Variants in CERS6 observed in about 807,000 individuals in gnomAD.
The protein encoded by CERS6 is LAG1 homolog, ceramide synthase 6.
In CERS6, 26 loss-of-function variants were observed where a neutral mutation model predicts 56.8. The ratio of observed to expected loss-of-function variants is 0.46; its 90% CI spans 0.34 to 0.63. The LOEUF is 0.63. Ranked by LOEUF, CERS6 falls within the 30% of genes least tolerant of loss-of-function variation. The probability of loss-of-function intolerance (pLI) is 0.01; values close to 1 mark genes in which losing one functional copy is unlikely to be tolerated. For missense variants in CERS6, 415 were observed against 467.5 expected (o/e 0.89, Z 1.04); for synonymous variants, 164 against 173.3 (o/e 0.95, Z 0.42).
At chr2:168,512,824 T>G (rs897962003) in intron 1 of CERS6, among the ~76,000 whole-genome samples, 4 of 151,644 alleles carry the variant, frequency 2.6e-5, no homozygotes, top group Non-Finnish European at 4.4e-5. Flanking sequence ...CCCACCACCA[T>G]GCCCAGCTAA....
chr2:168,549,848 T>C (rs1342357634), intron 2 of CERS6, among the ~76,000 whole-genome samples: 1 of 152,158 alleles, frequency 6.6e-6, no homozygotes, highest in African/African-American at 2.4e-5. Context: ...ACCAATCAGT[T>C]GACTGGAATA....
chr2:168,631,332 T>G (rs951913847), intron 4 of CERS6, among the ~76,000 whole-genome samples: 3 of 145,506 alleles, frequency 2.1e-5, no homozygotes, highest in Admixed American at 7.3e-5. Context: ...TTTGAAAACA[T>G]GAATTGTTGC....
chr2:168,514,553 A>G (rs1694852661), intron 1 of CERS6, among the ~76,000 whole-genome samples: 1 of 152,220 alleles, frequency 6.6e-6, no homozygotes, highest in African/African-American at 2.4e-5. Context: ...TTGCAAATTC[A>G]AGTGGCTTTG....
Position 168,747,142 on chromosome 2 carries a change from C to T in CERS6, c.846-18450C>T, listed in dbSNP as rs145981830. ...AAAAATAAAAGTTAAAAAAATTAAC[C>T]GAGCATGATGGTGCATGCCTATGGT... On this transcript the variant is annotated intron_variant, in intron 8 of 9. Coordinates refer to ENST00000305747, the MANE Select transcript of CERS6 (RefSeq NM_203463.3). Among the ~76,000 whole-genome samples the T allele has an allele frequency of 5.5e-3, 833 of 151,836 alleles. 2 individuals are homozygous for T. Among genetic ancestry groups the T allele is most frequent in the Middle Eastern group, 0.017 (5 of 294 alleles).
chr2:168,545,535 A>T (rs1695450933), intron 1 of CERS6, among the ~76,000 whole-genome samples: 3 of 151,654 alleles, frequency 2.0e-5, no homozygotes, highest in Admixed American at 2.0e-4. Context: ...CTGATAACAG[A>T]GGTGAGGAAG....
At chr2:168,652,658 G>A (rs544841774) in intron 4 of CERS6, among the ~76,000 whole-genome samples, 62 of 149,622 alleles carry the variant, frequency 4.1e-4, no homozygotes, top group African/African-American at 1.4e-3. Context: ...AAGCTTAATC[G>A]GATTTGATTA....
At chr2:168,742,707 GGTCTA>G (rs1683952766) in intron 8 of CERS6, among the ~76,000 whole-genome samples, 1 of 152,168 alleles carries the variant, frequency 6.6e-6, no homozygotes, top group African/African-American at 2.4e-5. Context: ...GAATGGCCTT[GGTCTA>G]GCCCTAGAAC....
At chr2:168,570,190 G>A (rs1053847869) in intron 3 of CERS6, among the ~76,000 whole-genome samples, 2 of 152,108 alleles carry the variant, frequency 1.3e-5, no homozygotes, top group African/African-American at 4.8e-5. Context: ...CTAAGGAGGC[G>A]GAATCCATGT....
intron 5 of CERS6, among the ~76,000 whole-genome samples, chr2:168,693,991 A>T (rs977681542): frequency 2.0e-5 from 3 of 152,154 alleles, no homozygotes; most frequent in African/African-American, 7.2e-5. Context: ...GTCATTCATT[A>T]TGCTGCTATT....
intron 8 of CERS6, among the ~76,000 whole-genome samples, chr2:168,723,485 G>A (rs560918078): frequency 9.5e-4 from 144 of 152,202 alleles, no homozygotes; most frequent in Non-Finnish European, 1.6e-3. Context: ...GATAAACACT[G>A]TAAATTCCTT....
intron 8 of CERS6, among the ~76,000 whole-genome samples, chr2:168,741,319 A>G (rs551706560): frequency 6.6e-6 from 1 of 151,838 alleles, no homozygotes; most frequent in Admixed American, 6.6e-5. Flanking sequence ...GTTGCCTCAT[A>G]AATATCCAAG....
intron 6 of CERS6, among the ~76,000 whole-genome samples, chr2:168,700,761 A>G (rs1048356332): frequency 7.9e-5 from 12 of 152,224 alleles, no homozygotes; most frequent in Admixed American, 2.0e-4. Flanking sequence ...TGGAGTTCAC[A>G]TAACCTACCT....
intron 4 of CERS6, among the ~76,000 whole-genome samples, chr2:168,671,792 A>G (rs770968909): frequency 6.6e-6 from 1 of 152,214 alleles, no homozygotes; most frequent in African/African-American, 2.4e-5. Flanking sequence ...CACCCAGCTT[A>G]TATTATAAAA....
At chr2:168,543,558 C>G (rs1365455378) in intron 1 of CERS6, among the ~76,000 whole-genome samples, 9 of 151,958 alleles carry the variant, frequency 5.9e-5, no homozygotes, top group African/African-American at 2.2e-4. Flanking sequence ...TATTTTGTAT[C>G]TAAATATGCT....
rs568199362 is a variant in CERS6, at chr2:168,583,439, A to G, written c.407+22117A>G. Among the ~76,000 whole-genome samples, 7 of 152,298 alleles carry G rather than the reference A, an allele frequency of 4.6e-5. No individual in the cohort carries two copies. The East Asian group carries it at 1.2e-3, about 25-fold the overall frequency. ...CTAACTATAGATCATTTTTCAGCCA[A>G]CTACAGAATCTTTTTAGCTTTCCTT... On this transcript the variant is annotated intron_variant, in intron 3 of 9. Transcript: ENST00000305747.
intron 4 of CERS6, among the ~76,000 whole-genome samples, chr2:168,631,504 T>C (rs1327765791): frequency 2.7e-4 from 33 of 122,850 alleles, no homozygotes; most frequent in Non-Finnish European, 4.2e-4. Flanking sequence ...TATATTAATA[T>C]AATATATATA....
intron 1 of CERS6, among the ~76,000 whole-genome samples, chr2:168,523,824 G>T (rs1695024898): frequency 6.6e-6 from 1 of 152,128 alleles, no homozygotes. Flanking sequence ...TGAAGCCCTG[G>T]GTTTGTATAG....
chr2:168,558,990 T>C (rs563160335), intron 2 of CERS6, among the ~76,000 whole-genome samples: 1 of 152,336 alleles, frequency 6.6e-6, no homozygotes, highest in African/African-American at 2.4e-5. Context: ...CAGAACAAAG[T>C]TGGAAGGTGA....
At chr2:168,623,963 G>T (rs1273168302) in intron 3 of CERS6, among the ~76,000 whole-genome samples, 2 of 152,172 alleles carry the variant, frequency 1.3e-5, no homozygotes, top group African/African-American at 4.8e-5. Context: ...TAAGGTCATA[G>T]ATGGGCTCTT....
Sources: gnomAD v4.1 joint callset for allele counts (sites outside exome capture counted in the v4.1 genomes callset) on GRCh38, gnomAD v4.1.1 for gene constraint, MANE v1.5 for transcripts, NCBI Gene and HGNC (gene_info 2026-07-23, HGNC 2026-07-21) for gene names.